The following VAT1L variants were observed in gnomAD, a reference collection of about 807,000 sequenced individuals.
VAT1L encodes the protein vesicle amine transport 1 like.
In VAT1L, 34 loss-of-function variants were observed where a neutral mutation model predicts 44.1. The observed-to-expected ratio is 0.77, with a 90% CI of 0.59 to 1.03. The LOEUF (loss-of-function observed/expected upper bound fraction) is 1.03, where lower values mean the gene tolerates loss of function less well. Among genes scored for constraint, VAT1L ranks in the 50% least tolerant of loss-of-function variants. The probability of loss-of-function intolerance (pLI) is 0.00; values close to 1 mark genes in which losing one functional copy is unlikely to be tolerated. For missense variants in VAT1L, 615 were observed against 538.8 expected (o/e 1.14, Z -1.40); for synonymous variants, 253 against 202.2 (o/e 1.25, Z -2.13).
chr16:77,969,119 T>C (rs909366388), intron 7 of VAT1L, among the ~76,000 whole-genome samples: 6 of 152,190 alleles, frequency 3.9e-5, no homozygotes, highest in African/African-American at 1.2e-4. Flanking sequence ...ATGCCTGGCC[T>C]GATATTATTA....
chr16:77,829,078 ACGATT>A (rs2016552739), intron 3 of VAT1L, among the ~76,000 whole-genome samples: 1 of 152,180 alleles, frequency 6.6e-6, no homozygotes, highest in African/African-American at 2.4e-5. Flanking sequence ...TTGCAGAACT[ACGATT>A]CGTACCTCAA....
At chr16:77,842,321 G>A (rs957230271) in intron 3 of VAT1L, among the ~76,000 whole-genome samples, 8 of 152,180 alleles carry the variant, frequency 5.3e-5, no homozygotes, top group African/African-American at 1.9e-4. Context: ...CCCACTCAGT[G>A]TCTGGCCCTG....
At chr16:77,829,519 A>G (rs1201063933) in intron 3 of VAT1L, among the ~76,000 whole-genome samples, 2 of 152,244 alleles carry the variant, frequency 1.3e-5, no homozygotes, top group African/African-American at 2.4e-5. Context: ...GGAATTGCCC[A>G]CTGCCTCCAT....
At chr16:77,907,165 G>A (rs1159091956) in intron 7 of VAT1L, among the ~76,000 whole-genome samples, 5 of 152,142 alleles carry the variant, frequency 3.3e-5, no homozygotes, top group African/African-American at 4.8e-5. Context: ...GACCAATAGC[G>A]GGTTATCAAC....
At chr16:77,971,096 G>C (rs1468020129) in intron 7 of VAT1L, among the ~76,000 whole-genome samples, 1 of 151,986 alleles carries the variant, frequency 6.6e-6, no homozygotes, top group Non-Finnish European at 1.5e-5. Flanking sequence ...CAAGCACCAA[G>C]CTCCATGTTG....
rs55896887 is a variant in VAT1L, at chr16:77,966,932, T to TAA, written c.1078-4892_1078-4891dup. On this transcript the variant is annotated intron_variant, in intron 7 of 8. Transcript: ENST00000302536. The stretch of plus-strand genomic sequence containing the variant: ...AAGGGTTTTAAGCAGTAGAGTACTT[T>TAA]AAAAAAAAAAAAAAAAAAAAAAAAA... Among the ~76,000 whole-genome samples the TAA allele has an allele frequency of 1.2e-3, 132 of 106,558 alleles. 1 individual carries two copies. The highest frequency in any genetic ancestry group is 4.9e-3 in the African/African-American group (130 of 26,302). The allele number at this position is 106,558 out of a possible 152,430, so 69.9% of individuals were successfully genotyped here. A position where few individuals can be genotyped will look rare whatever the true frequency, so the allele number is the denominator to read the frequency against.
At chr16:77,933,605 A>G (rs1362048274) in intron 7 of VAT1L, among the ~76,000 whole-genome samples, 2 of 152,244 alleles carry the variant, frequency 1.3e-5, no homozygotes, top group Admixed American at 1.3e-4. Flanking sequence ...TGGGGAAGGC[A>G]GGTATTTTGA....
chr16:77,955,977 C>A (rs933542334), intron 7 of VAT1L, among the ~76,000 whole-genome samples: 7 of 152,032 alleles, frequency 4.6e-5, no homozygotes, highest in Non-Finnish European at 7.4e-5. Context: ...CACTGTTTAA[C>A]CTTAAGCAAA....
chr16:77,882,341 C>A (rs1210664875), intron 6 of VAT1L: 1 of 152,206 alleles, frequency 6.6e-6, no homozygotes, highest in African/African-American at 2.4e-5. Flanking sequence ...TTCTTTCACA[C>A]CATAACGATG....
chr16:77,917,559 T>C (rs2017564464), intron 7 of VAT1L, among the ~76,000 whole-genome samples: 1 of 152,174 alleles, frequency 6.6e-6, no homozygotes, highest in Admixed American at 6.5e-5. Flanking sequence ...GAATAAACCA[T>C]AGTTTCTTTA....
intron 3 of VAT1L, among the ~76,000 whole-genome samples, chr16:77,828,951 T>C (rs920872890): frequency 6.6e-6 from 1 of 152,194 alleles, no homozygotes; most frequent in Non-Finnish European, 1.5e-5. Flanking sequence ...ACTAAGTTTG[T>C]GTTAATTTGT....
chr16:77,930,232 G>C (rs528308443), intron 7 of VAT1L, among the ~76,000 whole-genome samples: 1 of 152,024 alleles, frequency 6.6e-6, no homozygotes, highest in Non-Finnish European at 1.5e-5. Context: ...CACTGAATTC[G>C]ACCCCTAGCC....
In VAT1L at chr16:77,971,527, T is replaced by C. The variant is rs572006377; in HGVS notation, c.1078-323T>C. On this transcript the variant is annotated intron_variant, in intron 7 of 8. Transcript: ENST00000302536. The stretch of plus-strand genomic sequence containing the variant: ...ATTGGTCAAAATCTAATCTGACTAA[T>C]GCACCCTGCCACCCTGCAGCACATA... 2.6e-4 allele frequency among the ~76,000 whole-genome samples: 40 copies of C among 152,288 alleles called. No individual in the cohort carries two copies. The South Asian group carries it at 6.4e-3, about 24-fold the overall frequency.
intron 7 of VAT1L, among the ~76,000 whole-genome samples, chr16:77,966,668 A>C (rs1953887200): frequency 6.6e-6 from 1 of 152,236 alleles, no homozygotes; most frequent in Non-Finnish European, 1.5e-5. Context: ...TCAAAACTAC[A>C]AAAAACTAAT....
intron 7 of VAT1L, among the ~76,000 whole-genome samples, chr16:77,948,707 T>C (rs376707923): frequency 1.3e-5 from 2 of 152,196 alleles, no homozygotes; most frequent in East Asian, 3.8e-4. Flanking sequence ...ATCCCAGACA[T>C]AATATTATTT....
At chr16:77,807,212 T>G (rs1309579153) in intron 1 of VAT1L, among the ~76,000 whole-genome samples, 1 of 152,162 alleles carries the variant, frequency 6.6e-6, no homozygotes, top group Non-Finnish European at 1.5e-5. Flanking sequence ...CTTCTTGTAG[T>G]GGGAGCTAGT....
At chr16:77,894,083 T>C (rs887625166) in intron 7 of VAT1L, among the ~76,000 whole-genome samples, 5 of 152,166 alleles carry the variant, frequency 3.3e-5, no homozygotes, top group African/African-American at 1.2e-4. Flanking sequence ...CTTTCAGACC[T>C]AGGCAGTTTG....
chr16:77,894,771 A>C (rs1597087123), intron 7 of VAT1L, among the ~76,000 whole-genome samples: 9 of 152,194 alleles, frequency 5.9e-5, no homozygotes, highest in Admixed American at 5.9e-4. Context: ...ATATGCTAGT[A>C]TACACGTATA....
chr16:77,964,689 C>T lies in VAT1L; in HGVS notation c.1078-7161C>T, dbSNP rs1346878715. 3.2e-4 allele frequency among the ~76,000 whole-genome samples: 49 copies of T among 151,504 alleles called. No individual in the cohort carries two copies. In the Admixed American group the frequency reaches 3.2e-3, roughly 10 times the overall value. Reference sequence around the variant, plus strand: ...AGTGTGAGGTCATTCTGTCTGCTTTCCCCAGGGATCTTGTTTAACTGGGTC... The same window carrying T: ...AGTGTGAGGTCATTCTGTCTGCTTTTCCCAGGGATCTTGTTTAACTGGGTC... On this transcript the variant is annotated intron_variant, in intron 7 of 8. Transcript: ENST00000302536.
Sources: allele counts gnomAD v4.1 joint callset (sites outside exome capture counted in the v4.1 genomes callset), GRCh38; gene constraint gnomAD v4.1.1; transcripts MANE v1.5; gene names NCBI Gene and HGNC (gene_info 2026-07-23, HGNC 2026-07-21).